Variants in ABCD4 observed in about 807,000 individuals in gnomAD.
The protein encoded by ABCD4 is lysosomal cobalamin transporter ABCD4.
In ABCD4, 53 loss-of-function variants were observed where a neutral mutation model predicts 86.3. That is an observed-to-expected ratio of 0.61 (90% CI 0.49 to 0.77). The LOEUF (loss-of-function observed/expected upper bound fraction) is 0.77, where lower values mean the gene tolerates loss of function less well. ABCD4 is among the 30% of genes least tolerant of loss of function. ABCD4 has a pLI of 0.00. For synonymous variants in ABCD4, 328 were observed against 313.6 expected, an observed-to-expected ratio of 1.05 and a Z score of -0.49; for missense variants, 757 against 764.5, an observed-to-expected ratio of 0.99 and a Z score of 0.12.
chr14:74,292,091 G>A (rs1206101270), intron 11 of ABCD4, among the ~76,000 whole-genome samples, 196 bp downstream of exon 11: 2 of 152,092 alleles, frequency 1.3e-5, no homozygotes, highest in African/African-American at 4.8e-5. Context: ...ACTGGCCGGG[G>A]AATGGTGTAA....
intron 14 of ABCD4, chr14:74,289,043 T>G (rs1487582895): frequency 1.1e-6 from 1 of 932,264 alleles, no homozygotes; most frequent in Non-Finnish European, 1.3e-6. Context: ...ACCCGGGAGG[T>G]GGAGGTTGCA....
At chr14:74,287,571 GAAAAGAA>G (rs2080146005) in intron 17 of ABCD4, among the ~76,000 whole-genome samples, 8 of 135,308 alleles carry the variant, frequency 5.9e-5, no homozygotes, top group Non-Finnish European at 9.7e-5. Flanking sequence ...AAAAAAAAAA[GAAAAGAA>G]AAAAGAAAAC....
chr14:74,292,951 C>T (rs965986412), intron 8 of ABCD4, 82 bp from the exon 9 acceptor site: 166 of 1,594,014 alleles, frequency 1.0e-4, no homozygotes, highest in Admixed American at 1.5e-4. Context: ...GGGAGCAGGA[C>T]GCCAAGTAGG....
At chr14:74,296,569 C>T in intron 4 of ABCD4, 120 bp from the exon 5 acceptor site, 1 of 854,598 alleles carries the variant, frequency 1.2e-6, no homozygotes, top group Non-Finnish European at 1.8e-6. Context: ...GAACACTGAC[C>T]CTATGGGAAG....
At chr14:74,289,802 G>C in intron 13 of ABCD4, 1 of 1,437,978 alleles carries the variant, frequency 7.0e-7, no homozygotes. Context: ...TTTGGCGTGA[G>C]TCCTTGCCCC....
At chr14:74,295,770 AT>A in intron 6 of ABCD4, 83 bp downstream of exon 6, 3 of 1,577,742 alleles carry the variant, frequency 1.9e-6, no homozygotes, top group Non-Finnish European at 2.6e-6. Flanking sequence ...CACAGCTAGG[AT>A]TTGAACTTAG....
At chr14:74,296,633 A>C in intron 4 of ABCD4, 184 bp from the exon 5 acceptor site, 1 of 586,936 alleles carries the variant, frequency 1.7e-6, no homozygotes, top group Non-Finnish European at 3.0e-6. Flanking sequence ...AGGGCCTTTA[A>C]ACAGGGTTCT....
rs777977935 is a variant in ABCD4 at position 74,286,426 on chromosome 14, G to A, written c.*35C>T. ...GGTCTCTCCTGAGGGCCGCCGACCC[G>A]CCACAGTGTGGCTCTCCTTCCAAAA... is the stretch of plus-strand genomic sequence containing the variant. On this transcript the variant is annotated 3_prime_UTR_variant, in exon 19 of 19. Coordinates refer to ENST00000356924, the MANE Select transcript of ABCD4 (RefSeq NM_005050.4). 41 of 1,611,312 alleles carry A rather than the reference G, an allele frequency of 2.5e-5. No homozygotes were observed. The highest frequency in any genetic ancestry group is 2.8e-5 in the Non-Finnish European group (33 of 1,177,830).
Position 74,288,269 on chromosome 14 carries a change from AC to A in ABCD4, c.1507-11del. ...TTGCCACCAAGTTGGACTGTAACAG[AC>A]CCAGAGGGCAGGATGTCCATGAAAT... is the stretch of plus-strand genomic sequence containing the variant. On this transcript the variant is annotated splice_polypyrimidine_tract_variant and intron_variant, in intron 15 of 18. Coordinates refer to ENST00000356924, the MANE Select transcript of ABCD4 (RefSeq NM_005050.4). 1 of 1,604,326 alleles carries A rather than the reference AC, an allele frequency of 6.2e-7. No homozygotes were observed. Among genetic ancestry groups the A allele is most frequent in the Non-Finnish European group, 8.5e-7 (1 of 1,175,200 alleles).
chr14:74,302,469 G>C (rs990357122), intron 1 of ABCD4, among the ~76,000 whole-genome samples: 4 of 152,198 alleles, frequency 2.6e-5, no homozygotes, highest in African/African-American at 9.6e-5. Context: ...TGTCTGAAAA[G>C]GGGAGTGAAA....
At chr14:74,297,230 T>A (rs1255440846) in intron 4 of ABCD4, 1 of 152,290 alleles carries the variant, frequency 6.6e-6, no homozygotes, top group African/African-American at 2.4e-5. Context: ...ACTTGCTATG[T>A]GTCAAGCACT....
At chr14:74,300,631 A>T (rs1483765827) in intron 1 of ABCD4, among the ~76,000 whole-genome samples, 1 of 152,058 alleles carries the variant, frequency 6.6e-6, no homozygotes, top group South Asian at 2.1e-4. Context: ...AAACTTAAAA[A>T]ATTACAAATG....
intron 15 of ABCD4, 87 bp downstream of exon 15, chr14:74,288,629 C>T: frequency 6.8e-7 from 1 of 1,481,110 alleles, no homozygotes; most frequent in Non-Finnish European, 9.3e-7. Context: ...CAGTCCTGGG[C>T]CCAAGCATAG....
At chr14:74,295,063 G>T in intron 7 of ABCD4, 85 bp downstream of exon 7, 1 of 1,520,020 alleles carries the variant, frequency 6.6e-7, no homozygotes, top group Non-Finnish European at 9.1e-7. Context: ...TGAGCTCGGT[G>T]GTGGTGGGAG....
At chr14:74,289,725 T>C (rs892312409) in intron 13 of ABCD4, 19 of 1,435,400 alleles carry the variant, frequency 1.3e-5, no homozygotes, top group Middle Eastern at 2.6e-4. Context: ...GGGGGAACAG[T>C]CTGACAGCCT....
intron 17 of ABCD4, among the ~76,000 whole-genome samples, chr14:74,287,312 G>T (rs1187721936): frequency 6.6e-6 from 1 of 152,174 alleles, no homozygotes; most frequent in East Asian, 1.9e-4. Context: ...ACTTTGGGAG[G>T]CCAACGTGGG....
At chr14:74,291,446 T>C (rs767929059) in intron 11 of ABCD4, among the ~76,000 whole-genome samples, 6 of 152,218 alleles carry the variant, frequency 3.9e-5, no homozygotes, top group Non-Finnish European at 5.9e-5. Context: ...CAAATTCTAA[T>C]GCTGGTGGGT....
chr14:74,288,769 C>A lies in ABCD4; in HGVS notation c.1457-4G>T. 2 of 1,613,316 alleles carry A rather than the reference C, an allele frequency of 1.2e-6. No homozygotes were observed. The highest frequency in any genetic ancestry group is 1.7e-6 in the Non-Finnish European group (2 of 1,179,708). ...ATCCTCTCATCATCGGCAGAACCTG[C>A]ACAACAAAGAAGCCTTCTGCAAAAA... On this transcript the variant is annotated splice_polypyrimidine_tract_variant and splice_region_variant and intron_variant, in intron 14 of 18. Coordinates refer to ENST00000356924, the MANE Select transcript of ABCD4 (RefSeq NM_005050.4).
intron 13 of ABCD4, 186 bp downstream of exon 13, chr14:74,289,841 T>C (rs1007609136): frequency 2.1e-6 from 3 of 1,447,504 alleles, no homozygotes; most frequent in African/African-American, 2.9e-5. Context: ...CTGCTATGAG[T>C]AGTGGGCCCA....
Sources: allele counts gnomAD v4.1 joint callset (sites outside exome capture counted in the v4.1 genomes callset), GRCh38; gene constraint gnomAD v4.1.1; transcripts MANE v1.5; gene names NCBI Gene and HGNC (gene_info 2026-07-23, HGNC 2026-07-21).